Variants in MAP3K13 observed in about 807,000 individuals in gnomAD.
MAP3K13 encodes mitogen-activated protein kinase kinase kinase 13.
MAP3K13 carries 52 observed loss-of-function variants against 104.0 expected under a neutral mutation model. The observed-to-expected ratio is 0.50, with a 90% CI of 0.40 to 0.63. The LOEUF is 0.63. MAP3K13 is among the 20% of genes least tolerant of loss of function. The probability of loss-of-function intolerance (pLI) is 0.00; values close to 1 mark genes in which losing one functional copy is unlikely to be tolerated. For synonymous variants in MAP3K13, 394 were observed against 442.2 expected (o/e 0.89, Z 1.37); for missense variants, 914 against 1,218.5 (o/e 0.75, Z 3.72).
intron 2 of MAP3K13, among the ~76,000 whole-genome samples, chr3:185,340,698 C>T (rs1338419408): frequency 3.9e-5 from 6 of 152,014 alleles, no homozygotes; most frequent in Non-Finnish European, 7.4e-5. Flanking sequence ...AATTAGATCA[C>T]GGGGGTAGTT....
intron 7 of MAP3K13, among the ~76,000 whole-genome samples, chr3:185,454,301 TCA>T (rs1200048028): frequency 9.3e-6 from 1 of 107,206 alleles, no homozygotes; most frequent in African/African-American, 3.9e-5. Flanking sequence ...GAGATATATA[TCA>T]TATATATATG....
At chr3:185,468,468 C>T (rs1353313765) in intron 10 of MAP3K13, among the ~76,000 whole-genome samples, 1 of 152,160 alleles carries the variant, frequency 6.6e-6, no homozygotes, top group Admixed American at 6.6e-5. Context: ...TTACCAAACT[C>T]TGTAGAGACT....
At chr3:185,397,531 T>C (rs1380159624) in intron 1 of MAP3K13, among the ~76,000 whole-genome samples, 2 of 152,256 alleles carry the variant, frequency 1.3e-5, no homozygotes, top group Admixed American at 1.3e-4. Context: ...TATTTTAGCA[T>C]AGAAAATACT....
Position 185,466,914 on chromosome 3 carries a change from C to T in MAP3K13, c.1594C>T (p.Leu532Phe). ...CATCCATCCCAATGCCATGGAGAAA[C>T]TCATGAAAAGGAAAGGAGTGCCTCA... is the stretch of plus-strand genomic sequence containing the variant. ...PIIHPNAMEK[L>F]MKRKGVPHKS... is the part of the protein sequence containing the mutation. The change falls in exon 10 of 14, where the codon CTC (leucine) becomes TTC (phenylalanine). Residue 532 changes from leucine to phenylalanine, a missense_variant. Around this residue, in one of 3 missense-constraint regions of MAP3K13, gnomAD observed 583 missense variants for 737.4 expected, o/e 0.79. Transcript: ENST00000265026. 2 of 1,613,936 alleles carry T rather than the reference C, an allele frequency of 1.2e-6. No homozygotes were observed. Among genetic ancestry groups the T allele is most frequent in the Non-Finnish European group, 1.7e-6 (2 of 1,179,858 alleles).
intron 7 of MAP3K13, among the ~76,000 whole-genome samples, chr3:185,462,752 G>T (rs1717183500): frequency 6.6e-6 from 1 of 152,196 alleles, no homozygotes; most frequent in Admixed American, 6.5e-5. Flanking sequence ...CAGCCTGGGT[G>T]ACAGAGCGAG....
chr3:185,403,622 T>C (rs568792413), intron 1 of MAP3K13, among the ~76,000 whole-genome samples: 7 of 150,406 alleles, frequency 4.7e-5, no homozygotes, highest in Admixed American at 3.9e-4. Flanking sequence ...TGTCAATTTA[T>C]TTTTTACTGT....
intron 10 of MAP3K13, among the ~76,000 whole-genome samples, chr3:185,469,043 G>A (rs1018209679): frequency 6.6e-6 from 1 of 152,210 alleles, no homozygotes; most frequent in African/African-American, 2.4e-5. Flanking sequence ...TGAACACGAG[G>A]AAGGCAACCT....
chr3:185,345,150 C>G (rs1722870814), intron 2 of MAP3K13, among the ~76,000 whole-genome samples: 1 of 152,224 alleles, frequency 6.6e-6, no homozygotes, highest in African/African-American at 2.4e-5. Context: ...GCATGAGCCA[C>G]TGCACCCGGC....
chr3:185,457,137 A>AACCGCGG (rs559517683), intron 7 of MAP3K13, among the ~76,000 whole-genome samples: 1 of 151,918 alleles, frequency 6.6e-6, no homozygotes, highest in Admixed American at 6.6e-5. Flanking sequence ...AAGTTGCCAC[A>AACCGCGG]GTCGGGTTCC....
rs181673686 is a variant in MAP3K13 at position 185,455,248 on chromosome 3, T to G, written c.1278+3853T>G. Among the ~76,000 whole-genome samples the G allele has an allele frequency of 6.8e-3, 342 of 50,082 alleles. 15 individuals carry two copies. Among genetic ancestry groups the G allele is most frequent in the Non-Finnish European group, 0.011 (263 of 23,748 alleles). 32.9% of individuals were successfully genotyped at this position (50,082 alleles called of 152,430 possible). ...TGATATATATGAGATATATATATGA[T>G]ATATATGAGATATATGAGATATATA... On this transcript the variant is annotated intron_variant, in intron 7 of 13. Coordinates refer to ENST00000265026, the MANE Select transcript of MAP3K13 (RefSeq NM_004721.5).
intron 1 of MAP3K13, among the ~76,000 whole-genome samples, chr3:185,389,712 A>T (rs1305719271): frequency 6.6e-6 from 1 of 151,952 alleles, no homozygotes; most frequent in Admixed American, 6.6e-5. Flanking sequence ...AAAAAAAAAA[A>T]TGAGGACCCC....
rs1553798942 is a variant in MAP3K13 at position 185,399,628 on chromosome 3, G to GGGC, written c.-85-28867_-85-28866insCGG. Among the ~76,000 whole-genome samples, 8 of 6,106 alleles carry GGGC rather than the reference G, an allele frequency of 1.3e-3. 2 individuals are homozygous for GGGC. The highest frequency in any genetic ancestry group is 0.015 in the East Asian group (2 of 136). 4.0% of individuals were successfully genotyped at this position (6,106 alleles called of 152,430 possible). On this transcript the variant is annotated intron_variant, in intron 1 of 13. Transcript: ENST00000265026. Reference sequence around the variant, plus strand: ...TCAGAAAGAAAGAGAGAGAAAGGCGGGGGGGGGGGGGGAGGGAGGGAGGAA... The same window carrying GGGC: ...TCAGAAAGAAAGAGAGAGAAAGGCGGGGCGGGGGGGGGGGGAGGGAGGGAGGAA...
rs981540554 is a variant in MAP3K13, at chr3:185,418,814, C to G, written c.-85-9683C>G. On this transcript the variant is annotated intron_variant, in intron 1 of 13. Transcript: ENST00000265026. This position sits in a 1 kb window ranked among gnomAD's most constrained non-coding sequence, Gnocchi z 4.5. Reference sequence around the variant, plus strand: ...GGAGACAGCCACGCTCCTCTCAGCCCGGCTGCTGCCACAGGAAAAGCATGT... The same window carrying G: ...GGAGACAGCCACGCTCCTCTCAGCCGGGCTGCTGCCACAGGAAAAGCATGT... 1.3e-6 allele frequency: 2 copies of G among 1,565,806 alleles called. No individual in the cohort carries two copies. The highest frequency in any genetic ancestry group is 1.4e-5 in the African/African-American group (1 of 73,964).
At chr3:185,478,872 AAAAAAAAAAAAAG>A (rs533516691) in intron 12 of MAP3K13, among the ~76,000 whole-genome samples, 2 of 144,016 alleles carry the variant, frequency 1.4e-5, no homozygotes, top group East Asian at 4.0e-4. Flanking sequence ...ACTCTGTCTC[AAAAAAAAAAAAAG>A]AAAAAAACAA....
chr3:185,469,266 T>C (rs1243845152), intron 10 of MAP3K13, among the ~76,000 whole-genome samples: 3 of 152,170 alleles, frequency 2.0e-5, no homozygotes, highest in Admixed American at 1.3e-4. Context: ...TTCCAGCCTG[T>C]CATAAGTGAG....
At chr3:185,313,846 C>T (rs1721582320) in intron 2 of MAP3K13, among the ~76,000 whole-genome samples, 1 of 152,154 alleles carries the variant, frequency 6.6e-6, no homozygotes, top group Non-Finnish European at 1.5e-5. Context: ...ACTTGTCTCT[C>T]ACGGCCTCTG....
At position 185,393,606 on chromosome 3, in the gene MAP3K13, C is replaced by T. The variant is rs1712204711; in HGVS notation, c.-86+30238C>T. On this transcript the variant is annotated intron_variant, in intron 1 of 13. Transcript: ENST00000265026. ...CCTGAGTAGCTGGGACTACAGGTGC[C>T]CACCACTGCACCCGGCTAATTTTTT... Among the ~76,000 whole-genome samples, 5 of 151,972 alleles carry T rather than the reference C, an allele frequency of 3.3e-5. No individual in the cohort carries two copies. The South Asian group carries it at 1.0e-3, about 32-fold the overall frequency.
At position 185,334,695 on chromosome 3, in the gene MAP3K13, G is replaced by A. The variant is rs1033449552; in HGVS notation, c.-86+49052G>A. Among the ~76,000 whole-genome samples the A allele has an allele frequency of 4.6e-5, 7 of 151,102 alleles. No individual in the cohort carries two copies. In the Middle Eastern group the frequency reaches 0.01, roughly 220 times the overall value. ...GTGCCATCTCGGCTCACTGCAATCCGCCTCCTGGGTTCAAGCAATTCTCCT... is the reference window on the plus strand; with the variant it reads ...GTGCCATCTCGGCTCACTGCAATCCACCTCCTGGGTTCAAGCAATTCTCCT... On this transcript the variant is annotated intron_variant, in intron 2 of 14. Coordinates refer to the MAP3K13 transcript ENST00000424227.
chr3:185,417,648 C>A lies in MAP3K13; in HGVS notation c.-85-10849C>A, dbSNP rs2074829550. Reference sequence around the variant, plus strand: ...CAGCCTTCTTTCCTTTCTTACCTACCACAGGCTTCTTGCCTGCAACCGCCG... The same window carrying A: ...CAGCCTTCTTTCCTTTCTTACCTACAACAGGCTTCTTGCCTGCAACCGCCG... On this transcript the variant is annotated intron_variant, in intron 1 of 13. Transcript: ENST00000265026. 3.1e-6 allele frequency: 5 copies of A among 1,612,076 alleles called. No homozygotes were observed. In the East Asian group the frequency reaches 6.7e-5, roughly 22 times the overall value.
Sources: allele counts gnomAD v4.1 joint callset (sites outside exome capture counted in the v4.1 genomes callset), GRCh38; gene constraint gnomAD v4.1.1; regional missense constraint gnomAD v4.1.1; non-coding constraint Gnocchi (gnomAD v3.1); transcripts MANE v1.5; gene names NCBI Gene and HGNC (gene_info 2026-07-23, HGNC 2026-07-21).